TRIP4: variants seen among roughly 807,000 people sequenced by gnomAD.
TRIP4 encodes the protein thyroid hormone receptor interactor 4.
In TRIP4, 54 loss-of-function variants were observed where a neutral mutation model predicts 81.8. The ratio of observed to expected loss-of-function variants is 0.66; its 90% confidence interval spans 0.53 to 0.83. The LOEUF (loss-of-function observed/expected upper bound fraction) is 0.83. Among genes scored for constraint, TRIP4 ranks in the 40% least tolerant of loss-of-function variants. The pLI is 0.00. For synonymous variants in TRIP4, 270 were observed against 242.8 expected (o/e 1.11, Z -1.04); for missense variants, 662 against 683.6 (o/e 0.97, Z 0.35).
chr15:64,426,611 A>C (rs1892150473), intron 11 of TRIP4, among the ~76,000 whole-genome samples: 1 of 151,060 alleles, frequency 6.6e-6, no homozygotes, highest in Non-Finnish European at 1.5e-5. Context: ...GAGGCAGGAG[A>C]ATTGCTTGAA....
chr15:64,435,504 C>G (rs111435813), intron 11 of TRIP4, among the ~76,000 whole-genome samples: 1 of 136,510 alleles, frequency 7.3e-6, no homozygotes, highest in Non-Finnish European at 1.5e-5. Context: ...CCAACCTGGG[C>G]GACAGAGTGA....
intron 9 of TRIP4, among the ~76,000 whole-genome samples, chr15:64,420,677 C>G (rs1332266995): frequency 6.6e-6 from 1 of 151,948 alleles, no homozygotes; most frequent in African/African-American, 2.4e-5. Flanking sequence ...GCGCCCGCCA[C>G]CATGCCCAGC....
At chr15:64,398,585 A>G (rs1900363834) in intron 4 of TRIP4, among the ~76,000 whole-genome samples, 1 of 152,118 alleles carries the variant, frequency 6.6e-6, no homozygotes. Flanking sequence ...CTCAGAAGAA[A>G]GAAAGAACCC....
At chr15:64,444,884 T>C (rs981143845) in intron 11 of TRIP4, 122 bp from the exon 12 acceptor site, 2 of 608,246 alleles carry the variant, frequency 3.3e-6, no homozygotes, top group Non-Finnish European at 5.9e-6. Context: ...TAATCCTCTT[T>C]ACCTGTGAAA....
chr15:64,429,537 C>G (rs1393035225), intron 11 of TRIP4, among the ~76,000 whole-genome samples: 1 of 152,072 alleles, frequency 6.6e-6, no homozygotes, highest in Non-Finnish European at 1.5e-5. Context: ...TCTCAGAGCC[C>G]TTAATATGCT....
At chr15:64,434,046 A>G (rs1892336401) in intron 11 of TRIP4, among the ~76,000 whole-genome samples, 1 of 152,178 alleles carries the variant, frequency 6.6e-6, no homozygotes, top group African/African-American at 2.4e-5. Context: ...GCAGCAAACA[A>G]AAAATGAAAT....
At chr15:64,432,032 ACGCAC>A (rs1892290238) in intron 11 of TRIP4, among the ~76,000 whole-genome samples, 1 of 150,592 alleles carries the variant, frequency 6.6e-6, no homozygotes, top group South Asian at 2.1e-4. Context: ...GATTGCAGGT[ACGCAC>A]CACCACGCCC....
chr15:64,412,557 T>A (rs992178017), intron 7 of TRIP4, among the ~76,000 whole-genome samples: 8 of 143,206 alleles, frequency 5.6e-5, no homozygotes, highest in Non-Finnish European at 9.2e-5. Context: ...AAAGCCTCTT[T>A]AAAAAAAAAA....
At chr15:64,398,980 C>CG (rs1218085475) in intron 4 of TRIP4, among the ~76,000 whole-genome samples, 2 of 135,778 alleles carry the variant, frequency 1.5e-5, no homozygotes, top group Non-Finnish European at 3.0e-5. Flanking sequence ...GACGGAGTCT[C>CG]ACTCTGTCGC....
intron 7 of TRIP4, among the ~76,000 whole-genome samples, chr15:64,412,741 C>T (rs149168533): frequency 3.5e-4 from 54 of 152,242 alleles, no homozygotes; most frequent in African/African-American, 1.3e-3. Context: ...TATCCACAAA[C>T]GTTTTGTCAA....
At chr15:64,416,952 A>G (rs1425719189) in intron 8 of TRIP4, among the ~76,000 whole-genome samples, 1 of 152,160 alleles carries the variant, frequency 6.6e-6, no homozygotes, top group Non-Finnish European at 1.5e-5. Context: ...TTTAGGGGTT[A>G]AATGCCTAGG....
intron 9 of TRIP4, 152 bp from the exon 10 acceptor site, chr15:64,423,879 T>A (rs1892075765): frequency 1.2e-6 from 1 of 816,458 alleles, no homozygotes; most frequent in East Asian, 2.6e-5. Context: ...GAGAGAAAAG[T>A]GTTTTTGACA....
intron 9 of TRIP4, among the ~76,000 whole-genome samples, chr15:64,422,869 G>C (rs1171612448): frequency 6.6e-6 from 1 of 152,070 alleles, no homozygotes; most frequent in Non-Finnish European, 1.5e-5. Flanking sequence ...GATATACATT[G>C]GTTCATTCCC....
At chr15:64,428,771 G>T (rs568514797) in intron 11 of TRIP4, among the ~76,000 whole-genome samples, 50 of 151,796 alleles carry the variant, frequency 3.3e-4, no homozygotes, top group African/African-American at 1.2e-3. Context: ...ACCACACCTG[G>T]CCATTTTTTT....
At chr15:64,426,258 A>G (rs991101760) in intron 11 of TRIP4, among the ~76,000 whole-genome samples, 4 of 152,158 alleles carry the variant, frequency 2.6e-5, no homozygotes, top group African/African-American at 4.8e-5. Flanking sequence ...GGTCCAGGCT[A>G]TTGAACTCAT....
chr15:64,437,971 G>C (rs1170644736), intron 11 of TRIP4, among the ~76,000 whole-genome samples: 1 of 152,230 alleles, frequency 6.6e-6, no homozygotes, highest in Non-Finnish European at 1.5e-5. Flanking sequence ...GAATGTTTAG[G>C]AGGTAAAGTT....
At chr15:64,439,326 A>G (rs569808378) in intron 11 of TRIP4, among the ~76,000 whole-genome samples, 74 of 152,146 alleles carry the variant, frequency 4.9e-4, no homozygotes, top group African/African-American at 1.7e-3. Context: ...CTCTTTCTGC[A>G]TATTATCACC....
intron 11 of TRIP4, among the ~76,000 whole-genome samples, chr15:64,442,623 A>AT (rs1028619025): frequency 3.6e-4 from 5 of 13,900 alleles, no homozygotes; most frequent in Non-Finnish European, 8.3e-4. Flanking sequence ...AAGAGTGAAG[A>AT]TAAAAAAAAA....
chr15:64,407,670 A>G (rs1891659530), intron 6 of TRIP4, among the ~76,000 whole-genome samples: 1 of 152,106 alleles, frequency 6.6e-6, no homozygotes, highest in South Asian at 2.1e-4. Flanking sequence ...CTGTCTCAAA[A>G]AAAAAATAAT....
Sources: gnomAD v4.1 joint callset for allele counts (sites outside exome capture counted in the v4.1 genomes callset) on GRCh38, gnomAD v4.1.1 for gene constraint, MANE v1.5 for transcripts, NCBI Gene and HGNC (gene_info 2026-07-23, HGNC 2026-07-21) for gene names.